Variants in PLEC observed in about 807,000 individuals in gnomAD.
The protein encoded by PLEC is plectin.
In PLEC, 216 loss-of-function variants were observed where a neutral mutation model predicts 392.8. The observed-to-expected ratio is 0.55, with a 90% CI of 0.49 to 0.62. PLEC has a LOEUF of 0.62. Among genes scored for constraint, PLEC ranks in the 20% least tolerant of loss-of-function variants. PLEC has a pLI of 0.00. For synonymous variants in PLEC, 3,621 were observed against 2,980.6 expected (o/e 1.21, Z -7.00); for missense variants, 6,863 against 6,563.4 (o/e 1.05, Z -1.58).
chr8:143,948,514 C>G (rs1217684701), intron 1 of PLEC, among the ~76,000 whole-genome samples: 1 of 152,246 alleles, frequency 6.6e-6, no homozygotes, highest in Non-Finnish European at 1.5e-5. Context: ...CTTCCCATCC[C>G]AAGCTCAGCC....
At position 143,934,398 on chromosome 8, in the gene PLEC, C is replaced by A. The variant is rs187317826; in HGVS notation, c.1089G>T (p.Pro363=). The change falls in exon 11 of 32, where the codon CCG becomes CCT. Residue 363 remains proline (P), a synonymous_variant. Transcript: ENST00000345136. The stretch of plus-strand genomic sequence containing the variant: ...TGCCCCACTCCTTCTCCACATCCAG[C>A]GGGTGGTAGCCAGGGGGCACCTTGA... ...GQLKVPPGYH[P]LDVEKEWGKL... 1 of 1,612,222 alleles carries A rather than the reference C, an allele frequency of 6.2e-7. No homozygotes were observed. Among genetic ancestry groups the A allele is most frequent in the African/African-American group, 1.3e-5 (1 of 74,928 alleles).
At position 143,929,187 on chromosome 8, in the gene PLEC, G is replaced by A. The variant is rs529986115; in HGVS notation, c.3176C>T (p.Ala1059Val). The stretch of plus-strand genomic sequence containing the variant: ...CAGCTCCGAGCGCAGCGTGGGGGCC[G>A]CAGGCGATGGCTCTGGTAGGGCCAA... ...KVLALPEPSPAAPTLRSELEL... is the reference protein window; with the variant it reads ...KVLALPEPSPVAPTLRSELEL... Residue 1059 changes from alanine to valine, a missense_variant, in exon 25 of 32, where the codon GCG becomes GTG. Physicochemically the swap from Ala to Val is moderately conservative, Grantham distance 64. Coordinates refer to ENST00000345136, the MANE Select transcript of PLEC (RefSeq NM_201384.3). 6.2e-5 allele frequency: 99 copies of A among 1,599,016 alleles called. No individual in the cohort carries two copies. The highest frequency in any genetic ancestry group is 2.3e-4 in the East Asian group (10 of 44,422).
Position 143,925,755 on chromosome 8 carries a change from C to CTTTCGCCTCCCG in PLEC, c.4173_4174insCGGGAGGCGAAA (p.Arg1388_Lys1391dup). On this transcript the variant is annotated inframe_insertion, in exon 31 of 32. Coordinates refer to ENST00000345136, the MANE Select transcript of PLEC (RefSeq NM_201384.3). The stretch of plus-strand genomic sequence containing the variant: ...TCCTCCTGCATGCGCTGCTGCAGCT[C>CTTTCGCCTCCCG]CTTCGCCTCCCGCTCCGCCTGTGCC... 6.3e-7 allele frequency: 1 copy of CTTTCGCCTCCCG among 1,593,042 alleles called. No homozygotes were observed. The highest frequency in any genetic ancestry group is 1.1e-5 in the South Asian group (1 of 90,376).
intron 1 of PLEC, chr8:143,945,318 G>C: frequency 2.5e-6 from 1 of 397,068 alleles, no homozygotes; most frequent in South Asian, 1.8e-5. Context: ...GCCTCTCCTG[G>C]GCCACGGCAG....
At chr8:143,945,547 G>A (rs1462643199) in intron 1 of PLEC, among the ~76,000 whole-genome samples, 3 of 152,166 alleles carry the variant, frequency 2.0e-5, no homozygotes, top group African/African-American at 4.8e-5. Flanking sequence ...GCACGTTGAC[G>A]GTATACCCCA....
At chr8:143,963,259 G>A (rs1832947745) in intron 1 of PLEC, among the ~76,000 whole-genome samples, 1 of 152,230 alleles carries the variant, frequency 6.6e-6, no homozygotes, top group Admixed American at 6.5e-5. Context: ...CAGGATGACA[G>A]ACCCAGGCAG....
At position 143,930,369 on chromosome 8, in the gene PLEC, C is replaced by T. The variant is rs781785948; in HGVS notation, c.2457+15G>A. 5.1e-6 allele frequency: 8 copies of T among 1,574,844 alleles called. No homozygotes were observed. ...CCTGGCCACGCCCCCCAGTGGACCC[C>T]CGGCCTGCGCTCACCTCCACCTGCT... On this transcript the variant is annotated intron_variant, in intron 20 of 31. Coordinates refer to ENST00000345136, the MANE Select transcript of PLEC (RefSeq NM_201384.3).
intron 30 of PLEC, 75 bp from the exon 31 acceptor site, chr8:143,925,959 G>A (rs533341798): frequency 1.1e-4 from 161 of 1,440,716 alleles, no homozygotes; most frequent in Admixed American, 2.4e-4. Context: ...GGCACGCACC[G>A]GCACAGTTCA....
chr8:143,938,639 G>A lies in PLEC; in HGVS notation c.166C>T (p.Leu56Phe), dbSNP rs1554725859. The A allele has an allele frequency of 6.2e-7, 1 of 1,613,842 alleles. No homozygotes were observed. ...CAGCATGCGCCACCAACCTTGATGAGGTGCTTGTTGACCCACTTGGTGAAG... is the reference window on the plus strand; with the variant it reads ...CAGCATGCGCCACCAACCTTGATGAAGTGCTTGTTGACCCACTTGGTGAAG... The part of the protein sequence containing the change: ...KTFTKWVNKH[L>F]IKAQRHISDL... The change falls in exon 2 of 32, where the codon CTC (leucine) becomes TTC (phenylalanine). Residue 56 changes from leucine (L) to phenylalanine (F), a missense_variant. Physicochemically the swap from Leu to Phe is conservative, Grantham distance 22. Transcript: ENST00000345136.
At chr8:143,974,949 G>C (rs1194273147), upstream of PLEC, among the ~76,000 whole-genome samples, 1 of 152,224 alleles carries the variant, frequency 6.6e-6, no homozygotes, top group Non-Finnish European at 1.5e-5. This position sits in a 1 kb window ranked among gnomAD's most constrained non-coding sequence, Gnocchi z 5.9. Flanking sequence ...AATCAAGGAT[G>C]GACGCCGCGG....
At chr8:143,975,197 C>A, upstream of PLEC, 3 of 1,601,248 alleles carry the variant, frequency 1.9e-6, no homozygotes, top group South Asian at 1.1e-5. The surrounding 1 kb of genome is among the most constrained non-coding windows in gnomAD (Gnocchi z 9.9). Context: ...AATGACCGCC[C>A]GCTCAGCTGG....
upstream of PLEC, chr8:143,943,867 A>C: frequency 2.5e-6 from 4 of 1,612,056 alleles, no homozygotes; most frequent in African/African-American, 1.3e-5. Context: ...CCAGGGAGGG[A>C]AACAGGCTGC....
chr8:143,924,614 G>A lies in PLEC; in HGVS notation c.5315C>T (p.Ala1772Val), dbSNP rs782439290. 538 of 1,540,844 alleles carry A rather than the reference G, an allele frequency of 3.5e-4. No homozygotes were observed. The highest frequency in any genetic ancestry group is 4.0e-4 in the Non-Finnish European group (462 of 1,149,768). Residue 1772 changes from alanine to valine, a missense_variant, in exon 31 of 32, where the codon GCG becomes GTG. Coordinates refer to ENST00000345136, the MANE Select transcript of PLEC (RefSeq NM_201384.3). ...GGAGCGCGACTCCTCCTCAGCCCTC[G>A]CCTTGCTGGCCAGCAGCACCTCCAT... ...AEMEVLLASK[A>V]RAEEESRSTS...
intron 1 of PLEC, among the ~76,000 whole-genome samples, chr8:143,968,854 A>C (rs1218963309): frequency 2.0e-5 from 3 of 152,216 alleles, no homozygotes; most frequent in Non-Finnish European, 4.4e-5. Context: ...AGATAATAAC[A>C]AGTGTTGGTG....
rs782180398 is a variant in PLEC, at chr8:143,917,305, G to A, written c.12516C>T (p.Ser4172=). Residue 4172 remains serine (S), a synonymous_variant, in exon 32 of 32, where the codon TCC becomes TCT. Coordinates refer to ENST00000345136, the MANE Select transcript of PLEC (RefSeq NM_201384.3). Reference sequence around the variant, plus strand: ...TCTCCTCCCACTCGCACTCCTGCTCGGACAGCTCCAGGTACGTCTGGTGGT... The same window carrying A: ...TCTCCTCCCACTCGCACTCCTGCTCAGACAGCTCCAGGTACGTCTGGTGGT... ...LIDHQTYLEL[S]EQECEWEEIT... 20 of 1,609,356 alleles carry A rather than the reference G, an allele frequency of 1.2e-5. No homozygotes were observed. Among genetic ancestry groups the A allele is most frequent in the South Asian group, 7.7e-5 (7 of 91,064 alleles).
chr8:143,973,638 C>T, upstream of PLEC: 1 of 658,960 alleles, frequency 1.5e-6, no homozygotes, highest in Non-Finnish European at 1.9e-6. This position sits in a 1 kb window ranked among gnomAD's most constrained non-coding sequence, Gnocchi z 5.6. Flanking sequence ...GCCGCCGCGG[C>T]CGGGCAGAGG....
chr8:143,966,986 A>G (rs1178709442), intron 1 of PLEC, among the ~76,000 whole-genome samples: 1 of 152,256 alleles, frequency 6.6e-6, no homozygotes, highest in Non-Finnish European at 1.5e-5. Context: ...TTTTTCTAAA[A>G]GAAGGCCATT....
At chr8:143,954,581 C>A (rs1393931940), upstream of PLEC, among the ~76,000 whole-genome samples, 1 of 152,240 alleles carries the variant, frequency 6.6e-6, no homozygotes, top group Non-Finnish European at 1.5e-5. The surrounding 1 kb of genome is among the most constrained non-coding windows in gnomAD (Gnocchi z 4.6). Flanking sequence ...GGACCCTTCG[C>A]AGCTGCTCTG....
At chr8:143,950,295 G>A (rs901128246) in exon 1 of PLEC, 15 of 1,570,780 alleles carry the variant, frequency 9.5e-6, no homozygotes, top group East Asian at 2.3e-5. Flanking sequence ...CGGTAGACCC[G>A]CTGCTCCTCC....
Sources: gnomAD v4.1 joint callset for allele counts (sites outside exome capture counted in the v4.1 genomes callset) on GRCh38, gnomAD v4.1.1 for gene constraint, Gnocchi (gnomAD v3.1) non-coding constraint, MANE v1.5 for transcripts, NCBI Gene and HGNC (gene_info 2026-07-23, HGNC 2026-07-21) for gene names.